Variants in SLC5A1 observed in about 807,000 individuals in gnomAD.
SLC5A1 encodes sodium/glucose cotransporter 1.
SLC5A1 carries 42 observed loss-of-function variants against 73.5 expected under a neutral mutation model. The ratio of observed to expected loss-of-function variants is 0.57; its 90% CI spans 0.45 to 0.74. The LOEUF (loss-of-function observed/expected upper bound fraction) is 0.74, where lower values mean the gene tolerates loss of function less well. SLC5A1 is among the 30% of genes least tolerant of loss of function. The pLI, the probability that SLC5A1 is intolerant of heterozygous loss-of-function variation, is 0.00. For missense variants in SLC5A1, 634 were observed against 855.4 expected, an observed-to-expected ratio of 0.74 and a Z score of 3.23; for synonymous variants, 300 against 317.4, an observed-to-expected ratio of 0.95 and a Z score of 0.58.
Position 32,083,150 on chromosome 22 carries a change from G to A in SLC5A1, c.660G>A (p.Gly220=). The A allele has an allele frequency of 6.2e-7, 1 of 1,614,044 alleles. No homozygotes were observed. The highest frequency in any genetic ancestry group is 8.5e-7 in the Non-Finnish European group (1 of 1,179,922). ...TGGTGGGGTCTTTAATCCTGACTGG[G>A]TTTGGTAAGTGGGGCCAGGGCAGGC... ...IMLVGSLILT[G]FAFHEVGGYD... The change falls in exon 7 of 15, where the codon GGG becomes GGA. Residue 220 remains glycine, a synonymous_variant. Coordinates refer to ENST00000266088, the MANE Select transcript of SLC5A1 (RefSeq NM_000343.4).
At chr22:32,075,851 ATT>A (rs2093990116) in intron 5 of SLC5A1, among the ~76,000 whole-genome samples, 1 of 152,168 alleles carries the variant, frequency 6.6e-6, no homozygotes, top group Non-Finnish European at 1.5e-5. Context: ...GAGCATTGAA[ATT>A]TTAAAAAGAA....
intron 11 of SLC5A1, among the ~76,000 whole-genome samples, chr22:32,093,016 A>C (rs1001216126): frequency 1.3e-5 from 2 of 152,204 alleles, no homozygotes. Flanking sequence ...ATTCTCCTGC[A>C]TGTGGCTTGC....
At position 32,055,204 on chromosome 22, in the gene SLC5A1, A is replaced by C. The variant is rs533933894; in HGVS notation, c.207+5190A>C. On this transcript the variant is annotated intron_variant, in intron 2 of 14. Transcript: ENST00000266088. ...TTTGGGCAAGGAGAGAAGTTCATGA[A>C]GGTAATGAGTGAAAGAGGACCATTG... is the stretch of plus-strand genomic sequence containing the variant. Among the ~76,000 whole-genome samples the C allele has an allele frequency of 2.6e-5, 4 of 152,292 alleles. No individual in the cohort carries two copies. The East Asian group carries it at 7.7e-4, about 29-fold the overall frequency.
At chr22:32,045,624 C>A (rs573574569) in intron 1 of SLC5A1, among the ~76,000 whole-genome samples, 37 of 152,376 alleles carry the variant, frequency 2.4e-4, no homozygotes, top group Admixed American at 2.1e-3. Context: ...CCTTCTCTAT[C>A]TCTTCCAACA....
chr22:32,097,123 T>TGG (rs1178797222), intron 11 of SLC5A1, among the ~76,000 whole-genome samples: 1 of 152,244 alleles, frequency 6.6e-6, no homozygotes, highest in Non-Finnish European at 1.5e-5. Flanking sequence ...GAGACTATGT[T>TGG]GGGGCTCACA....
intron 11 of SLC5A1, among the ~76,000 whole-genome samples, chr22:32,095,734 A>T (rs910345671): frequency 2.6e-5 from 4 of 152,166 alleles, no homozygotes; most frequent in Admixed American, 6.5e-5. Context: ...CCTTAAATTT[A>T]TGTGAGTCCT....
rs766136561 is a variant in SLC5A1 at position 32,043,564 on chromosome 22, C to T, written c.135+148C>T. ...AGCACTTTAGAAGCACTCAGAGGCACAGCATGAAGGGAGGAGGGCAAGCAA... is the reference window on the plus strand; with the variant it reads ...AGCACTTTAGAAGCACTCAGAGGCATAGCATGAAGGGAGGAGGGCAAGCAA... On this transcript the variant is annotated intron_variant, in intron 1 of 14. Coordinates refer to ENST00000266088, the MANE Select transcript of SLC5A1 (RefSeq NM_000343.4). The surrounding 1 kb of genome is among the most constrained non-coding windows in gnomAD (Gnocchi z 6.5). The T allele has an allele frequency of 5.7e-6, 5 of 870,878 alleles. No individual in the cohort carries two copies. Among genetic ancestry groups the T allele is most frequent in the South Asian group, 1.5e-5 (1 of 68,924 alleles). The allele number at this position is 870,878 out of a possible 1,614,324, so 53.9% of individuals were successfully genotyped here.
At chr22:32,080,101 G>A (rs549542290) in intron 5 of SLC5A1, among the ~76,000 whole-genome samples, 1 of 152,272 alleles carries the variant, frequency 6.6e-6, no homozygotes, top group East Asian at 1.9e-4. Context: ...GGCCTAGAGT[G>A]GCGGCACTGG....
At chr22:32,102,752 C>A (rs2094038683) in intron 13 of SLC5A1, among the ~76,000 whole-genome samples, 1 of 152,210 alleles carries the variant, frequency 6.6e-6, no homozygotes, top group Admixed American at 6.5e-5. Flanking sequence ...CGGTAACCAT[C>A]AATCTACTCT....
chr22:32,047,890 G>T (rs1305088897), intron 1 of SLC5A1, among the ~76,000 whole-genome samples: 1 of 152,148 alleles, frequency 6.6e-6, no homozygotes, highest in African/African-American at 2.4e-5. Context: ...GCCGGGCATG[G>T]TGGCTCATGC....
intron 2 of SLC5A1, chr22:32,059,434 T>C (rs893969451): frequency 1.3e-6 from 1 of 760,462 alleles, no homozygotes; most frequent in African/African-American, 1.9e-5. Context: ...GAAGTGTTTT[T>C]ATAGACAGAG....
chr22:32,078,066 C>T (rs1022680573), intron 5 of SLC5A1, among the ~76,000 whole-genome samples: 1 of 152,242 alleles, frequency 6.6e-6, no homozygotes, highest in South Asian at 2.1e-4. Flanking sequence ...CTTCTCCCCA[C>T]CCCTACCATC....
chr22:32,085,076 T>C, intron 9 of SLC5A1, 41 bp downstream of exon 9: 3 of 1,613,156 alleles, frequency 1.9e-6, no homozygotes, highest in Non-Finnish European at 2.5e-6. Context: ...TCTCCCTTTT[T>C]CTGTCTCCAA....
At chr22:32,049,914 G>T (rs200760147) in intron 1 of SLC5A1, 29 bp from the exon 2 acceptor site, 7 of 1,600,604 alleles carry the variant, frequency 4.4e-6, no homozygotes, top group East Asian at 2.2e-5. Context: ...TCTAGTTTTC[G>T]ATTACATTTT....
Position 32,048,044 on chromosome 22 carries a change from C to T in SLC5A1, c.136-1899C>T, listed in dbSNP as rs150111495. On this transcript the variant is annotated intron_variant, in intron 1 of 14. Coordinates refer to ENST00000266088, the MANE Select transcript of SLC5A1 (RefSeq NM_000343.4). ...GTGTGTGCCTGTACTCCCATCTACT[C>T]GGGAGGCTGAGGCATGAGAATTGCT... Among the ~76,000 whole-genome samples the T allele has an allele frequency of 8.0e-3, 1,206 of 151,218 alleles. 16 individuals are homozygous for T. Among genetic ancestry groups the T allele is most frequent in the African/African-American group, 0.027 (1,092 of 41,144 alleles).
chr22:32,104,980 A>G, intron 14 of SLC5A1, 89 bp downstream of exon 14: 3 of 953,076 alleles, frequency 3.1e-6, no homozygotes, highest in South Asian at 1.4e-5. Flanking sequence ...AAATAATTTT[A>G]TCAGAGCTCA....
intron 1 of SLC5A1, among the ~76,000 whole-genome samples, chr22:32,045,075 G>T (rs762311244): frequency 1.3e-5 from 2 of 152,178 alleles, no homozygotes; most frequent in Non-Finnish European, 2.9e-5. Flanking sequence ...CTGGAACTCA[G>T]ATCTCTTGAC....
At chr22:32,044,235 G>A (rs1291164479) in intron 1 of SLC5A1, among the ~76,000 whole-genome samples, 1 of 152,166 alleles carries the variant, frequency 6.6e-6, no homozygotes, top group Non-Finnish European at 1.5e-5. Flanking sequence ...CACTTTGAGA[G>A]GCCAAGGTGG....
Position 32,091,699 on chromosome 22 carries a change from C to T in SLC5A1, c.1217C>T (p.Thr406Ile). The T allele has an allele frequency of 6.2e-7, 1 of 1,614,134 alleles. No individual in the cohort carries two copies. Residue 406 changes from threonine to isoleucine, a missense_variant, in exon 11 of 15, where the codon ACC (threonine) becomes ATC (isoleucine). Around this residue, in one of 3 missense-constraint regions of SLC5A1, gnomAD observed 422 missense variants for 626.1 expected, o/e 0.67. Transcript: ENST00000266088. Reference protein sequence around the residue: ...SIFNSASTLFTMDIYAKVRKR... With the variant: ...SIFNSASTLFIMDIYAKVRKR... Reference sequence around the variant, plus strand: ...TTCAACAGCGCCAGCACCCTCTTCACCATGGACATCTACGCCAAGGTCCGC... The same window carrying T: ...TTCAACAGCGCCAGCACCCTCTTCATCATGGACATCTACGCCAAGGTCCGC...
Sources: allele counts gnomAD v4.1 joint callset (sites outside exome capture counted in the v4.1 genomes callset), GRCh38; gene constraint gnomAD v4.1.1; regional missense constraint gnomAD v4.1.1; non-coding constraint Gnocchi (gnomAD v3.1); transcripts MANE v1.5; gene names NCBI Gene and HGNC (gene_info 2026-07-23, HGNC 2026-07-21).